The following PDE1A variants were observed in gnomAD, a reference collection of about 807,000 sequenced individuals.
PDE1A encodes dual specificity calcium/calmodulin-dependent 3',5'-cyclic nucleotide phosphodiesterase 1A.
In PDE1A, 35 loss-of-function variants were observed where a neutral mutation model predicts 61.7. The observed-to-expected ratio is 0.57, with a 90% CI of 0.43 to 0.75. PDE1A has a LOEUF of 0.75. Among genes scored for constraint, PDE1A ranks in the 30% least tolerant of loss-of-function variants. PDE1A has a pLI of 0.00. For missense variants in PDE1A, 597 were observed against 630.6 expected (o/e 0.95, Z 0.57); for synonymous variants, 232 against 213.2 (o/e 1.09, Z -0.77).
chr2:182,357,903 T>C (rs1699286767), intron 1 of PDE1A, among the ~76,000 whole-genome samples: 1 of 152,188 alleles, frequency 6.6e-6, no homozygotes, highest in African/African-American at 2.4e-5. Context: ...AAATATATGT[T>C]AGATTTATAA....
chr2:182,274,762 CA>C (rs1693283691), intron 1 of PDE1A, among the ~76,000 whole-genome samples: 1 of 151,956 alleles, frequency 6.6e-6, no homozygotes, highest in South Asian at 2.1e-4. Flanking sequence ...AGTTGAATGA[CA>C]AAAAACTCAT....
At chr2:182,516,708 GGA>G (rs1690185758) in intron 2 of PDE1A, among the ~76,000 whole-genome samples, 5 of 35,826 alleles carry the variant, frequency 1.4e-4, no homozygotes, top group African/African-American at 4.5e-4. Flanking sequence ...AAGGGAGGAA[GGA>G]AGGAAGGAAG....
At chr2:182,252,903 T>C (rs1691505581) in intron 2 of PDE1A, among the ~76,000 whole-genome samples, 1 of 152,136 alleles carries the variant, frequency 6.6e-6, no homozygotes. Context: ...AAGAAAAATA[T>C]ATTGGGAAGT....
At chr2:182,436,563 T>A (rs1684428495) in intron 2 of PDE1A, among the ~76,000 whole-genome samples, 1 of 152,114 alleles carries the variant, frequency 6.6e-6, no homozygotes, top group African/African-American at 2.4e-5. Flanking sequence ...CTCATCTTGC[T>A]CTATGGTACT....
chr2:182,305,310 A>G (rs1287566063), intron 1 of PDE1A, among the ~76,000 whole-genome samples: 1 of 152,054 alleles, frequency 6.6e-6, no homozygotes, highest in Non-Finnish European at 1.5e-5. Flanking sequence ...TTTCCTCTAC[A>G]TCATGAATAA....
At chr2:182,203,450 T>C (rs1686842402) in intron 8 of PDE1A, among the ~76,000 whole-genome samples, 1 of 152,192 alleles carries the variant, frequency 6.6e-6, no homozygotes, top group South Asian at 2.1e-4. Context: ...ATTCAAGTAG[T>C]AAGGGAAAGG....
chr2:182,274,140 C>T (rs529337960), intron 1 of PDE1A, among the ~76,000 whole-genome samples: 2 of 151,942 alleles, frequency 1.3e-5, no homozygotes, highest in African/African-American at 4.8e-5. Flanking sequence ...AGCTCTGCCC[C>T]CATGATCTAA....
At chr2:182,453,719 C>T (rs956132552) in intron 2 of PDE1A, among the ~76,000 whole-genome samples, 2 of 152,080 alleles carry the variant, frequency 1.3e-5, no homozygotes, top group African/African-American at 2.4e-5. Flanking sequence ...ATTCAACAAC[C>T]CTTCATGCTA....
the PDE1A span, among the ~76,000 whole-genome samples, chr2:182,580,937 A>G: frequency 2.6e-5 from 4 of 152,094 alleles, no homozygotes; most frequent in African/African-American, 9.7e-5. Flanking sequence ...TGCAAAATAT[A>G]TATGCCTCTT....
intron 2 of PDE1A, among the ~76,000 whole-genome samples, chr2:182,501,343 C>T (rs936176432): frequency 3.3e-5 from 5 of 152,168 alleles, no homozygotes; most frequent in African/African-American, 7.2e-5. Flanking sequence ...AGGAAAAACC[C>T]TGTTATGAGT....
chr2:182,649,595 C>A, the PDE1A span, among the ~76,000 whole-genome samples: 1 of 140,594 alleles, frequency 7.1e-6, no homozygotes, highest in Non-Finnish European at 1.5e-5. Context: ...TATACCAAGA[C>A]CCCACTCTAT....
At chr2:182,624,073 T>C in the PDE1A span, among the ~76,000 whole-genome samples, 3 of 139,200 alleles carry the variant, frequency 2.2e-5, no homozygotes, top group Non-Finnish European at 4.5e-5. Context: ...TGCAGCGAGC[T>C]GAGATCACGC....
the PDE1A span, among the ~76,000 whole-genome samples, chr2:182,610,571 T>C: frequency 6.6e-6 from 1 of 152,138 alleles, no homozygotes; most frequent in Non-Finnish European, 1.5e-5. Context: ...AGGATTACAT[T>C]GTAAAATTAT....
At chr2:182,690,118 C>T in the PDE1A span, among the ~76,000 whole-genome samples, 2 of 152,150 alleles carry the variant, frequency 1.3e-5, no homozygotes, top group Non-Finnish European at 2.9e-5. Flanking sequence ...GGAGCTGGTA[C>T]CCTTCCTTCT....
the PDE1A span, among the ~76,000 whole-genome samples, chr2:182,651,497 A>G: frequency 6.6e-6 from 1 of 152,262 alleles, no homozygotes; most frequent in African/African-American, 2.4e-5. Context: ...GTTAGAACAG[A>G]CAAAAATATT....
At chr2:182,559,244 C>A in the PDE1A span, among the ~76,000 whole-genome samples, 1 of 151,982 alleles carries the variant, frequency 6.6e-6, no homozygotes, top group Non-Finnish European at 1.5e-5. Flanking sequence ...GTAAAGGCTG[C>A]AGATCTGGAA....
intron 13 of PDE1A, among the ~76,000 whole-genome samples, chr2:182,182,778 G>A (rs1012289019): frequency 2.0e-5 from 3 of 151,064 alleles, no homozygotes; most frequent in Non-Finnish European, 4.4e-5. Flanking sequence ...TAGCCAATCC[G>A]TTTTAAAAAT....
chr2:182,357,280 CA>C lies in PDE1A; in HGVS notation c.53+69297del, dbSNP rs549504477. Among the ~76,000 whole-genome samples the C allele has an allele frequency of 4.8e-5, 7 of 144,540 alleles. No individual in the cohort carries two copies. In the South Asian group the frequency reaches 6.7e-4, roughly 14 times the overall value. 94.8% of individuals were successfully genotyped at this position (144,540 alleles called of 152,430 possible). On this transcript the variant is annotated intron_variant, in intron 1 of 13. Transcript: ENST00000351439. ...GAGAGAGAGCAAGGAGGAAGGAAAA[CA>C]AAAAAAAACAAACAAACAAAGAGAG...
chr2:182,286,000 T>G (rs1402331184), intron 1 of PDE1A, among the ~76,000 whole-genome samples: 1 of 152,152 alleles, frequency 6.6e-6, no homozygotes, highest in East Asian at 1.9e-4. Context: ...AGCTGGAAAA[T>G]GAATAGTTTG....
Sources: gnomAD v4.1 joint callset for allele counts (sites outside exome capture counted in the v4.1 genomes callset) on GRCh38, gnomAD v4.1.1 for gene constraint, MANE v1.5 for transcripts, NCBI Gene and HGNC (gene_info 2026-07-23, HGNC 2026-07-21) for gene names.